Variants in SLC7A5 observed in about 807,000 individuals in gnomAD.
SLC7A5 encodes the protein solute carrier family 7 member 5.
SLC7A5 carries 23 observed loss-of-function variants against 50.2 expected under a neutral mutation model. The ratio of observed to expected loss-of-function variants is 0.46; its 90% CI spans 0.33 to 0.65. The LOEUF is 0.65. Among genes scored for constraint, SLC7A5 ranks in the 30% least tolerant of loss-of-function variants. The pLI is 0.02. For missense variants in SLC7A5, 578 were observed against 684.4 expected (o/e 0.84, Z 1.73); for synonymous variants, 393 against 330.6 (o/e 1.19, Z -2.05).
rs1269535129 is a variant in SLC7A5, at chr16:87,838,901, C to T, written c.940-84G>A. 9 of 973,230 alleles carry T rather than the reference C, an allele frequency of 9.2e-6. No individual in the cohort carries two copies. In the South Asian group the frequency reaches 1.0e-4, roughly 11 times the overall value. 60.3% of individuals were successfully genotyped at this position (973,230 alleles called of 1,614,324 possible). On this transcript the variant is annotated intron_variant, in intron 5 of 9. Transcript: ENST00000261622. ...CTCACTGGGAGCCCTCTGCACCGGG[C>T]CAGCCCTCGCCCTCTGTGCTCACAA...
At position 87,869,477 on chromosome 16, in the gene SLC7A5, T is replaced by A. The variant is rs1467730007; in HGVS notation, c.-55A>T. The A allele has an allele frequency of 8.5e-6, 10 of 1,176,886 alleles. No homozygotes were observed. The highest frequency in any genetic ancestry group is 1.6e-5 in the African/African-American group (1 of 62,022). The allele number at this position is 1,176,886 out of a possible 1,614,324, so 72.9% of individuals were successfully genotyped here. On this transcript the variant is annotated 5_prime_UTR_variant, in exon 1 of 10. Transcript: ENST00000261622. ...CCGGGAGCCGCGGCCCAGCGAGCAGTGTGCGCGCCGCCCGCCGCCCGCAGC... is the reference window on the plus strand; with the variant it reads ...CCGGGAGCCGCGGCCCAGCGAGCAGAGTGCGCGCCGCCCGCCGCCCGCAGC...
At chr16:87,838,108 T>G (rs2287121) in intron 6 of SLC7A5, among the ~76,000 whole-genome samples, 167 bp from the exon 7 acceptor site, 101,556 of 152,024 alleles carry the variant, frequency 0.67, 34,756 homozygotes, top group East Asian at 0.85. Context: ...GCCTCTCAGT[T>G]CCCCCAACCA....
intron 5 of SLC7A5, among the ~76,000 whole-genome samples, chr16:87,839,051 C>A (rs1428116818): frequency 6.6e-6 from 1 of 152,212 alleles, no homozygotes; most frequent in African/African-American, 2.4e-5. Flanking sequence ...CTGATTTGCC[C>A]CCTCCTCTGG....
rs1157166399 is a variant in SLC7A5, at chr16:87,834,582, C to T, written c.1300G>A (p.Ala434Thr). The change falls in exon 9 of 10, where the codon GCC becomes ACC. Residue 434 changes from alanine to threonine, a missense_variant. Transcript: ENST00000261622. Reference protein sequence around the residue: ...ELERPIKVNLALPVFFILACL... With the variant: ...ELERPIKVNLTLPVFFILACL... Reference sequence around the variant, plus strand: ...GCCAGGATGAAGAACACAGGCAGGGCCAGGTTCACCTGGGGCAGAGGACAG... The same window carrying T: ...GCCAGGATGAAGAACACAGGCAGGGTCAGGTTCACCTGGGGCAGAGGACAG... 6.9e-6 allele frequency: 11 copies of T among 1,588,616 alleles called. No individual in the cohort carries two copies. The African/African-American group carries it at 1.3e-4, about 19-fold the overall frequency.
At chr16:87,858,262 C>T (rs181616004) in intron 1 of SLC7A5, among the ~76,000 whole-genome samples, 40 of 152,268 alleles carry the variant, frequency 2.6e-4, no homozygotes, top group Middle Eastern at 3.4e-3. Flanking sequence ...CGAAATACCT[C>T]GCGGACGTGT....
rs1340057197 is a variant in SLC7A5, at chr16:87,862,470, GGCCTGT to G, written c.538+6409_538+6414del. On this transcript the variant is annotated intron_variant, in intron 1 of 9. Coordinates refer to ENST00000261622, the MANE Select transcript of SLC7A5 (RefSeq NM_003486.7). The surrounding 1 kb of genome is among the most constrained non-coding windows in gnomAD (Gnocchi z 5.3). ...TTCCACCCATAGCCCCCCGACCCTG[GGCCTGT>G]GCCGAGCGTGGGTGGGTGACATCAT... 6.6e-6 allele frequency among the ~76,000 whole-genome samples: 1 copy of G among 152,248 alleles called. No homozygotes were observed. The highest frequency in any genetic ancestry group is 1.9e-4 in the East Asian group (1 of 5,200).
intron 6 of SLC7A5, 52 bp from the exon 7 acceptor site, chr16:87,837,993 G>A (rs539797591): frequency 1.5e-5 from 21 of 1,365,408 alleles, no homozygotes; most frequent in Middle Eastern, 1.8e-4. Context: ...AACTCAGCAC[G>A]TGGACAGGGG....
At chr16:87,850,130 G>A (rs548111174) in intron 2 of SLC7A5, among the ~76,000 whole-genome samples, 8 of 152,304 alleles carry the variant, frequency 5.3e-5, no homozygotes, top group East Asian at 1.9e-4. Flanking sequence ...GTCCTAAGGC[G>A]AAGTGCCACG....
chr16:87,866,298 C>T (rs571540390), intron 1 of SLC7A5, among the ~76,000 whole-genome samples: 111 of 152,222 alleles, frequency 7.3e-4, no homozygotes, highest in Admixed American at 2.6e-3. Context: ...GAAGCAGCTC[C>T]GGAAGCATAC....
chr16:87,869,471 G>A lies in SLC7A5; in HGVS notation c.-49C>T, dbSNP rs33996472. 80,059 of 1,242,046 alleles carry A rather than the reference G, an allele frequency of 0.064. 2,834 individuals are homozygous for A. The highest frequency in any genetic ancestry group is 0.12 in the South Asian group (3,941 of 33,818). 76.9% of individuals were successfully genotyped at this position (1,242,046 alleles called of 1,614,324 possible). A position where few individuals can be genotyped will look rare whatever the true frequency, so the allele number is the denominator to read the frequency against. ...GGACACCCGGGAGCCGCGGCCCAGCGAGCAGTGTGCGCGCCGCCCGCCGCC... is the reference window on the plus strand; with the variant it reads ...GGACACCCGGGAGCCGCGGCCCAGCAAGCAGTGTGCGCGCCGCCCGCCGCC... On this transcript the variant is annotated 5_prime_UTR_variant, in exon 1 of 10. Coordinates refer to ENST00000261622, the MANE Select transcript of SLC7A5 (RefSeq NM_003486.7).
In SLC7A5 at chr16:87,869,081, G is replaced by T. The variant is rs1464040314; in HGVS notation, c.342C>A (p.Gly114=). 1.2e-6 allele frequency: 2 copies of T among 1,611,834 alleles called. No homozygotes were observed. Among genetic ancestry groups the T allele is most frequent in the Non-Finnish European group, 1.7e-6 (2 of 1,179,776 alleles). The change falls in exon 1 of 10, where the codon GGC becomes GGA. Residue 114 remains glycine, a synonymous_variant. Transcript: ENST00000261622. The stretch of plus-strand genomic sequence containing the variant: ...CCTCCAGCATGTAGGCGTAGTCGCC[G>T]CCCGATTTGGAGATGGTGGTGCCGA... ...AELGTTISKS[G]GDYAYMLEVY... is the part of the protein sequence containing the mutation.
chr16:87,854,437 C>T (rs1013687781), intron 1 of SLC7A5, among the ~76,000 whole-genome samples: 2 of 152,200 alleles, frequency 1.3e-5, no homozygotes, highest in African/African-American at 4.8e-5. Flanking sequence ...CATCTGGGTT[C>T]AGTACCTTTC....
intron 1 of SLC7A5, among the ~76,000 whole-genome samples, chr16:87,855,554 T>C (rs4240802): frequency 0.4 from 61,192 of 151,596 alleles, 13,262 homozygotes; most frequent in East Asian, 0.79. Context: ...GATGACTCTC[T>C]GAGGTGCCTC....
intron 1 of SLC7A5, chr16:87,863,448 T>C (rs1392940317): frequency 6.6e-6 from 1 of 152,174 alleles, no homozygotes; most frequent in Non-Finnish European, 1.5e-5. Flanking sequence ...CTTTGCGCCT[T>C]CTGATAAAAC....
Position 87,841,609 on chromosome 16 carries a change from G to A in SLC7A5, c.665-454C>T, listed in dbSNP as rs917780831. ...AGGGCCCTGCTTCTTGGGGTGCGAG[G>A]AGCTCGGAACAGACTGCCCTCCCTC... On this transcript the variant is annotated intron_variant, in intron 2 of 9. Coordinates refer to ENST00000261622, the MANE Select transcript of SLC7A5 (RefSeq NM_003486.7). The surrounding 1 kb of genome is among the most constrained non-coding windows in gnomAD (Gnocchi z 4.8). 7.2e-5 allele frequency among the ~76,000 whole-genome samples: 11 copies of A among 152,256 alleles called. No individual in the cohort carries two copies. Among genetic ancestry groups the A allele is most frequent in the Non-Finnish European group, 1.5e-4 (10 of 68,042 alleles).
At chr16:87,843,052 C>G (rs1176710953) in intron 2 of SLC7A5, among the ~76,000 whole-genome samples, 2 of 152,138 alleles carry the variant, frequency 1.3e-5, no homozygotes, top group African/African-American at 4.8e-5. Flanking sequence ...TCCTGCCTCC[C>G]CCATCTGGCA....
chr16:87,859,422 T>C (rs1567500823), intron 1 of SLC7A5, among the ~76,000 whole-genome samples: 1 of 152,088 alleles, frequency 6.6e-6, no homozygotes, highest in East Asian at 1.9e-4. Flanking sequence ...GGCCCCGGGG[T>C]CACCATGGCC....
In SLC7A5 at chr16:87,869,479, T is replaced by TGCGCGCC. The variant is rs1201481367; in HGVS notation, c.-64_-58dup. The TGCGCGCC allele has an allele frequency of 8.5e-7, 1 of 1,172,370 alleles. No homozygotes were observed. Among genetic ancestry groups the TGCGCGCC allele is most frequent in the African/African-American group, 1.6e-5 (1 of 61,722 alleles). The allele number at this position is 1,172,370 out of a possible 1,614,324, so 72.6% of individuals were successfully genotyped here. On this transcript the variant is annotated 5_prime_UTR_variant, in exon 1 of 10. Transcript: ENST00000261622. ...GGGAGCCGCGGCCCAGCGAGCAGTG[T>TGCGCGCC]GCGCGCCGCCCGCCGCCCGCAGCTG...
At chr16:87,842,898 G>A (rs1472685794) in intron 2 of SLC7A5, among the ~76,000 whole-genome samples, 1 of 151,998 alleles carries the variant, frequency 6.6e-6, no homozygotes, top group African/African-American at 2.4e-5. Flanking sequence ...TCTCCCATCT[G>A]CTCTCTGATG....
Sources: allele counts gnomAD v4.1 joint callset (sites outside exome capture counted in the v4.1 genomes callset), GRCh38; gene constraint gnomAD v4.1.1; non-coding constraint Gnocchi (gnomAD v3.1); transcripts MANE v1.5; gene names NCBI Gene and HGNC (gene_info 2026-07-23, HGNC 2026-07-21).